ETV4: variants seen among roughly 807,000 people sequenced by gnomAD.
ETV4 encodes ETS translocation variant 4.
In ETV4, 42 loss-of-function variants were observed where a neutral mutation model predicts 65.9. The ratio of observed to expected loss-of-function variants is 0.64; its 90% confidence interval spans 0.50 to 0.82. The LOEUF (loss-of-function observed/expected upper bound fraction) is 0.82, where lower values mean the gene tolerates loss of function less well. Ranked by LOEUF, ETV4 falls within the 40% of genes least tolerant of loss-of-function variation. The pLI is 0.00. For missense variants in ETV4, 583 were observed against 630.3 expected (o/e 0.92, Z 0.80); for synonymous variants, 238 against 260.0 (o/e 0.92, Z 0.81).
intron 8 of ETV4, among the ~76,000 whole-genome samples, chr17:43,530,875 A>G (rs1970891477): frequency 6.6e-6 from 1 of 151,178 alleles, no homozygotes; most frequent in Non-Finnish European, 1.5e-5. Context: ...GAAACATGAC[A>G]CCTCCGGGAG....
At chr17:43,528,799 G>T (rs1970723489) in intron 12 of ETV4, 56 bp from the exon 13 acceptor site, 1 of 1,429,606 alleles carries the variant, frequency 7.0e-7, no homozygotes, top group Non-Finnish European at 9.8e-7. Context: ...CTTTGTATGG[G>T]GTAAGGTGGG....
chr17:43,533,296 G>A lies in ETV4; in HGVS notation c.436C>T (p.Leu146Phe). The A allele has an allele frequency of 1.9e-6, 3 of 1,613,952 alleles. No individual in the cohort carries two copies. Among genetic ancestry groups the A allele is most frequent in the Non-Finnish European group, 2.5e-6 (3 of 1,179,884 alleles). The change falls in exon 7 of 13, where the codon CTT becomes TTT. Residue 146 changes from leucine to phenylalanine, a missense_variant. Leu to Phe is a conservative substitution (Grantham distance 22). Transcript: ENST00000319349. ...IAIKSPAPGA[L>F]GQSPLQPFPR... Reference sequence around the variant, plus strand: ...AAGGGCTGTAGGGGCGACTGTCCAAGGGCACCAGGGGCAGGGGACTTGATG... The same window carrying A: ...AAGGGCTGTAGGGGCGACTGTCCAAAGGCACCAGGGGCAGGGGACTTGATG...
rs1971094437 is a variant in ETV4 at position 43,533,878 on chromosome 17, C to T, written c.364G>A (p.Glu122Lys). ...RKPPLPYHHG[E>K]QCLYSSAYDP... ...GCTCACCTGGAGTAAAGGCACTGCTCGCCATGGTGGTAGGGGAGTGGCGGC... is the reference window on the plus strand; with the variant it reads ...GCTCACCTGGAGTAAAGGCACTGCTTGCCATGGTGGTAGGGGAGTGGCGGC... The change falls in exon 6 of 13, where the codon GAG becomes AAG. Residue 122 changes from glutamate to lysine, a missense_variant. Physicochemically the swap from Glu to Lys is moderately conservative, Grantham distance 56. Transcript: ENST00000319349. 6.9e-6 allele frequency: 11 copies of T among 1,605,148 alleles called. No homozygotes were observed. Among genetic ancestry groups the T allele is most frequent in the Admixed American group, 1.7e-5 (1 of 58,766 alleles).
At chr17:43,539,010 T>C (rs1365971266) in intron 4 of ETV4, among the ~76,000 whole-genome samples, 2 of 152,222 alleles carry the variant, frequency 1.3e-5, no homozygotes, top group African/African-American at 4.8e-5. Flanking sequence ...CATTTCTTAC[T>C]TGGATTTCAC....
chr17:43,537,522 C>T (rs1163209462), intron 4 of ETV4, among the ~76,000 whole-genome samples: 1 of 144,184 alleles, frequency 6.9e-6, no homozygotes, highest in African/African-American at 2.6e-5. Flanking sequence ...AGTGAAACTC[C>T]CATCTCTACT....
intron 4 of ETV4, among the ~76,000 whole-genome samples, chr17:43,538,341 A>G (rs189087679): frequency 6.6e-6 from 1 of 152,266 alleles, no homozygotes; most frequent in African/African-American, 2.4e-5. Context: ...GGAGGATGAC[A>G]GTGGGAGAGC....
chr17:43,532,621 G>A, intron 8 of ETV4, 53 bp downstream of exon 8: 1 of 1,526,264 alleles, frequency 6.6e-7, no homozygotes, highest in Non-Finnish European at 8.9e-7. Flanking sequence ...AGACATTCTG[G>A]GCTTAACTGA....
chr17:43,528,375 T>G lies in ETV4; in HGVS notation c.*144A>C. The G allele has an allele frequency of 1.7e-6, 1 of 583,972 alleles. No homozygotes were observed. The highest frequency in any genetic ancestry group is 3.0e-6 in the Non-Finnish European group (1 of 334,926). The allele number at this position is 583,972 out of a possible 1,614,324, so 36.2% of individuals were successfully genotyped here. ...AATGACTCCGGTGAGCAGCTCAGAG[T>G]CTGGGCTAGGGCAACTGGTAGGACA... On this transcript the variant is annotated 3_prime_UTR_variant, in exon 13 of 13. Transcript: ENST00000319349.
chr17:43,536,563 G>A (rs1971253371), intron 4 of ETV4, 84 bp from the exon 5 acceptor site: 2 of 1,229,272 alleles, frequency 1.6e-6, no homozygotes, highest in South Asian at 1.2e-5. Flanking sequence ...CTGCAGATTA[G>A]CAACAGCCAA....
At chr17:43,536,116 G>T (rs548403802) in intron 5 of ETV4, among the ~76,000 whole-genome samples, 2 of 143,102 alleles carry the variant, frequency 1.4e-5, no homozygotes, top group African/African-American at 5.1e-5. Flanking sequence ...GTCTTGGGGG[G>T]AAAACAAACA....
In ETV4 at chr17:43,528,266, A is replaced by G; in HGVS notation, c.*253T>C. Reference sequence around the variant, plus strand: ...GGGGCTTGGACCTAGGAAGAAGCTGAGCTGAATTCCTCCAGGGCCCAGGTG... The same window carrying G: ...GGGGCTTGGACCTAGGAAGAAGCTGGGCTGAATTCCTCCAGGGCCCAGGTG... On this transcript the variant is annotated 3_prime_UTR_variant, in exon 13 of 13. Coordinates refer to ENST00000319349, the MANE Select transcript of ETV4 (RefSeq NM_001079675.5). 2.4e-6 allele frequency: 1 copy of G among 420,080 alleles called. No homozygotes were observed. The highest frequency in any genetic ancestry group is 3.6e-5 in the East Asian group (1 of 27,882). 26.0% of individuals were successfully genotyped at this position (420,080 alleles called of 1,614,324 possible). A position where few individuals can be genotyped will look rare whatever the true frequency, so the allele number is the denominator to read the frequency against.
At chr17:43,545,983 G>GTGTGTGTGTGTA in intron 1 of ETV4, 1 of 227,292 alleles carries the variant, frequency 4.4e-6, no homozygotes. Flanking sequence ...GTGTGTGTAC[G>GTGTGTGTGTGTA]CGCGCGCGCG....
At chr17:43,536,317 C>T in intron 5 of ETV4, 109 bp downstream of exon 5, 1 of 960,348 alleles carries the variant, frequency 1.0e-6, no homozygotes, top group South Asian at 1.4e-5. Flanking sequence ...GATCAAACCC[C>T]ACTGTGTTTT....
At chr17:43,529,821 G>C in intron 10 of ETV4, 63 bp downstream of exon 10, 1 of 1,602,198 alleles carries the variant, frequency 6.2e-7, no homozygotes, top group Non-Finnish European at 8.6e-7. Flanking sequence ...AACGTGATGT[G>C]ACTCCTGCAG....
chr17:43,533,541 G>C (rs1248919046), intron 6 of ETV4, among the ~76,000 whole-genome samples, 193 bp from the exon 7 acceptor site: 1 of 152,056 alleles, frequency 6.6e-6, no homozygotes, highest in Non-Finnish European at 1.5e-5. Context: ...GTCTCCCTCT[G>C]TTGCCCAGGC....
intron 5 of ETV4, 112 bp downstream of exon 5, chr17:43,536,314 C>T: frequency 5.3e-6 from 5 of 942,770 alleles, no homozygotes; most frequent in Non-Finnish European, 8.4e-6. Context: ...TAAGATCAAA[C>T]CCCACTGTGT....
rs369913743 is a variant in ETV4, at chr17:43,532,573, TG to T, written c.811+100del. The T allele has an allele frequency of 7.0e-4, 743 of 1,054,608 alleles. 3 individuals carry two copies. In the East Asian group the frequency reaches 0.017, roughly 25 times the overall value. 65.3% of individuals were successfully genotyped at this position (1,054,608 alleles called of 1,614,324 possible). ...AAAAAAAGTGGGTGGGTGGGTTGGATGTATGAAATGGTAAACAGCAATGTAA... is the reference window on the plus strand; with the variant it reads ...AAAAAAAGTGGGTGGGTGGGTTGGATTATGAAATGGTAAACAGCAATGTAA... On this transcript the variant is annotated intron_variant, in intron 8 of 12. Coordinates refer to ENST00000319349, the MANE Select transcript of ETV4 (RefSeq NM_001079675.5).
Position 43,528,229 on chromosome 17 carries a change from G to A in ETV4, c.*290C>T, listed in dbSNP as rs1215452302. On this transcript the variant is annotated 3_prime_UTR_variant, in exon 13 of 13. Transcript: ENST00000319349. ...CAAACTCTTGTTCTCTGTGGTTGGGGAAAAGGTGTGGGGGGCTTGGACCTA... is the reference window on the plus strand; with the variant it reads ...CAAACTCTTGTTCTCTGTGGTTGGGAAAAAGGTGTGGGGGGCTTGGACCTA... 1.4e-5 allele frequency: 5 copies of A among 345,334 alleles called. No individual in the cohort carries two copies. The highest frequency in any genetic ancestry group is 2.6e-5 in the Non-Finnish European group (5 of 190,112). 21.4% of individuals were successfully genotyped at this position (345,334 alleles called of 1,614,324 possible).
Position 43,528,587 on chromosome 17 carries a change from G to T in ETV4, c.1387C>A (p.Pro463Thr), listed in dbSNP as rs770702451. ...CCAGCCAGCTCTGGGAGGTAGGCGG[G>T]GCTCTCATCCAAGTGGGACAAAGGG... ...TVPLSHLDES[P>T]AYLPELAGPA... Residue 463 changes from proline to threonine, a missense_variant, in exon 13 of 13, where the codon CCC (proline) becomes ACC (threonine). Pro to Thr is a conservative substitution (Grantham distance 38). Coordinates refer to ENST00000319349, the MANE Select transcript of ETV4 (RefSeq NM_001079675.5). 5 of 1,614,080 alleles carry T rather than the reference G, an allele frequency of 3.1e-6. No homozygotes were observed. Among genetic ancestry groups the T allele is most frequent in the Non-Finnish European group, 3.4e-6 (4 of 1,179,994 alleles).
Sources: gnomAD v4.1 joint callset for allele counts (sites outside exome capture counted in the v4.1 genomes callset) on GRCh38, gnomAD v4.1.1 for gene constraint, MANE v1.5 for transcripts, NCBI Gene and HGNC (gene_info 2026-07-23, HGNC 2026-07-21) for gene names.